BNIP2: variants seen among roughly 807,000 people sequenced by gnomAD.
BNIP2 encodes the protein BCL2/adenovirus E1B 19 kDa protein-interacting protein 2.
In BNIP2, 36 loss-of-function variants were observed where a neutral mutation model predicts 43.4. That is an observed-to-expected ratio of 0.83 (90% CI 0.64 to 1.10). BNIP2 has a LOEUF of 1.10. Ranked by LOEUF, BNIP2 falls within the 50% of genes least tolerant of loss-of-function variation. The pLI, the probability that BNIP2 is intolerant of heterozygous loss-of-function variation, is 0.00. For synonymous variants in BNIP2, 146 were observed against 121.0 expected, an observed-to-expected ratio of 1.21 and a Z score of -1.35; for missense variants, 417 against 374.1, an observed-to-expected ratio of 1.11 and a Z score of -0.95.
intron 6 of BNIP2, among the ~76,000 whole-genome samples, chr15:59,671,546 T>C (rs1892920536): frequency 1.3e-5 from 2 of 152,212 alleles, no homozygotes; most frequent in African/African-American, 4.8e-5. Flanking sequence ...ACTTGTAAAC[T>C]GGGGGTTAGA....
chr15:59,688,466 CTA>C lies in BNIP2; in HGVS notation c.-58+667_-58+668del, dbSNP rs1236630202. 102 of 398,982 alleles carry C rather than the reference CTA, an allele frequency of 2.6e-4. No homozygotes were observed. The East Asian group carries it at 3.9e-3, about 15-fold the overall frequency. The allele number at this position is 398,982 out of a possible 1,614,324, so 24.7% of individuals were successfully genotyped here. A position where few individuals can be genotyped will look rare whatever the true frequency, so the allele number is the denominator to read the frequency against. On this transcript the variant is annotated intron_variant, in intron 1 of 9. Coordinates refer to ENST00000607373, the MANE Select transcript of BNIP2 (RefSeq NM_004330.4). ...ATTAAATAAATAGGAGGCACCGTAA[CTA>C]TCTTGATGCAACACCGGAAAAGCTG... is the stretch of plus-strand genomic sequence containing the variant.
At chr15:59,678,770 A>C in intron 4 of BNIP2, 1 of 1,298,516 alleles carries the variant, frequency 7.7e-7, no homozygotes, top group South Asian at 1.2e-5. Context: ...GGAGGGGGAA[A>C]CCTACTGCAT....
chr15:59,664,589 G>T (rs531019286), intron 9 of BNIP2, among the ~76,000 whole-genome samples: 4 of 152,064 alleles, frequency 2.6e-5, no homozygotes, highest in African/African-American at 9.6e-5. Context: ...CACCATGTTA[G>T]CCAGGATGGT....
chr15:59,667,966 G>C, intron 9 of BNIP2: 1 of 461,476 alleles, frequency 2.2e-6, no homozygotes, highest in Non-Finnish European at 3.6e-6. Flanking sequence ...GGTTCACCCT[G>C]TATTTGGAAG....
At position 59,660,968 on chromosome 15, in the gene BNIP2, G is replaced by C. The variant is rs1397576283; in HGVS notation, c.*3101C>G. The C allele has an allele frequency of 6.6e-6, 1 of 152,062 alleles. No individual in the cohort carries two copies. The highest frequency in any genetic ancestry group is 2.4e-5 in the African/African-American group (1 of 41,394). The allele number at this position is 152,062 out of a possible 1,614,324, so 9.4% of individuals were successfully genotyped here. On this transcript the variant is annotated 3_prime_UTR_variant, in exon 10 of 10. Transcript: ENST00000607373. ...TCCACAGTCTTTATTCACATACCTT[G>C]CGTATAGCCTGCAGGTTTTCCTGCT...
chr15:59,676,631 T>C, intron 5 of BNIP2: 3 of 563,590 alleles, frequency 5.3e-6, no homozygotes, highest in East Asian at 2.9e-5. Context: ...TCTTTCAAAA[T>C]TACATAATAT....
At chr15:59,688,143 C>G (rs1336046929) in intron 1 of BNIP2, among the ~76,000 whole-genome samples, 2 of 152,102 alleles carry the variant, frequency 1.3e-5, no homozygotes, top group African/African-American at 4.8e-5. Context: ...AATATGAAGA[C>G]TAGGAATAGA....
intron 3 of BNIP2, 25 bp from the exon 4 acceptor site, chr15:59,679,793 G>T: frequency 6.9e-7 from 1 of 1,454,162 alleles, no homozygotes; most frequent in African/African-American, 1.5e-5. Context: ...TAAAGAAAAA[G>T]ATACGTAACA....
At chr15:59,668,015 T>A in intron 9 of BNIP2, 1 of 905,220 alleles carries the variant, frequency 1.1e-6, no homozygotes. Context: ...ATTATCTTTG[T>A]CTACAAGCTA....
At chr15:59,680,876 C>T (rs1226408683) in intron 2 of BNIP2, among the ~76,000 whole-genome samples, 1 of 152,154 alleles carries the variant, frequency 6.6e-6, no homozygotes, top group Non-Finnish European at 1.5e-5. Flanking sequence ...GGATTATAGG[C>T]GTGACGTGCT....
chr15:59,688,763 G>C, intron 1 of BNIP2: 1 of 1,535,694 alleles, frequency 6.5e-7, no homozygotes, highest in Non-Finnish European at 8.7e-7. Context: ...TCTGTACCAG[G>C]ACGGACGCTG....
At chr15:59,679,476 T>C in intron 4 of BNIP2, 116 bp downstream of exon 4, 1 of 1,211,604 alleles carries the variant, frequency 8.3e-7, no homozygotes, top group Non-Finnish European at 1.1e-6. Context: ...ATTCAAGGGT[T>C]AGCACAATTT....
In BNIP2 at chr15:59,663,990, C is replaced by T. The variant is rs1892414884; in HGVS notation, c.*79G>A. 3 of 1,113,838 alleles carry T rather than the reference C, an allele frequency of 2.7e-6. No individual in the cohort carries two copies. In the South Asian group the frequency reaches 4.9e-5, roughly 18 times the overall value. 69.0% of individuals were successfully genotyped at this position (1,113,838 alleles called of 1,614,324 possible). On this transcript the variant is annotated 3_prime_UTR_variant, in exon 10 of 10. Transcript: ENST00000607373. The stretch of plus-strand genomic sequence containing the variant: ...TAACAGGTTACATAAAAATATGGGC[C>T]AATAAATGCATTATGAATGCAGAAA...
intron 7 of BNIP2, among the ~76,000 whole-genome samples, chr15:59,670,009 T>C (rs1280784244): frequency 6.6e-6 from 1 of 152,246 alleles, no homozygotes; most frequent in Non-Finnish European, 1.5e-5. Flanking sequence ...TGATTTAAAT[T>C]AGCCACAGCA....
At chr15:59,665,770 A>AT in intron 9 of BNIP2, among the ~76,000 whole-genome samples, 1 of 152,332 alleles carries the variant, frequency 6.6e-6, no homozygotes, top group Non-Finnish European at 1.5e-5. Context: ...TTACTATTAC[A>AT]TTTGTAGTGG....
chr15:59,671,462 G>A, intron 6 of BNIP2, 148 bp from the exon 7 acceptor site: 2 of 583,684 alleles, frequency 3.4e-6, no homozygotes, highest in South Asian at 3.9e-5. Flanking sequence ...CTAGTATTAC[G>A]ATTATCTTAT....
intron 6 of BNIP2, 34 bp from the exon 7 acceptor site, chr15:59,671,348 A>T (rs1271378452): frequency 6.5e-7 from 1 of 1,548,044 alleles, no homozygotes; most frequent in African/African-American, 1.4e-5. Context: ...AGCCTTAAAA[A>T]TCACTGTGCA....
chr15:59,666,334 TG>T (rs1480994138), intron 9 of BNIP2, among the ~76,000 whole-genome samples: 2 of 152,188 alleles, frequency 1.3e-5, no homozygotes, highest in Admixed American at 6.5e-5. Flanking sequence ...ATCATGCAGT[TG>T]TCACCTTAAA....
intron 5 of BNIP2, among the ~76,000 whole-genome samples, chr15:59,673,947 G>A (rs1268966240): frequency 6.6e-6 from 1 of 151,894 alleles, no homozygotes; most frequent in Non-Finnish European, 1.5e-5. Flanking sequence ...ACAATTAGCT[G>A]GGTGTGGTGG....
Sources: gnomAD v4.1 joint callset for allele counts (sites outside exome capture counted in the v4.1 genomes callset) on GRCh38, gnomAD v4.1.1 for gene constraint, MANE v1.5 for transcripts, NCBI Gene and HGNC (gene_info 2026-07-23, HGNC 2026-07-21) for gene names.